Variants in VAV3 observed in about 807,000 individuals in gnomAD.
VAV3 encodes the protein guanine nucleotide exchange factor VAV3.
A neutral mutation model predicts 131.2 loss-of-function variants in VAV3; 94 were observed. The ratio of observed to expected loss-of-function variants is 0.72; its 90% CI spans 0.61 to 0.85. VAV3 has a LOEUF of 0.85. VAV3 is among the 40% of genes least tolerant of loss of function. VAV3 has a pLI of 0.00. For missense variants in VAV3, 939 were observed against 1,002.7 expected (o/e 0.94, Z 0.86); for synonymous variants, 349 against 342.0 (o/e 1.02, Z -0.22).
At chr1:107,905,240 T>A (rs1672048347) in intron 1 of VAV3, among the ~76,000 whole-genome samples, 1 of 152,214 alleles carries the variant, frequency 6.6e-6, no homozygotes, top group African/African-American at 2.4e-5. Context: ...CATACTTGCC[T>A]TAGGTTGCCC....
chr1:107,765,936 C>A (rs1407020491), intron 8 of VAV3, among the ~76,000 whole-genome samples: 1 of 152,140 alleles, frequency 6.6e-6, no homozygotes, highest in Non-Finnish European at 1.5e-5. Context: ...AGCAAAATTT[C>A]TTGATACTCC....
chr1:107,778,827 T>C (rs1665521901), intron 3 of VAV3, among the ~76,000 whole-genome samples: 1 of 152,194 alleles, frequency 6.6e-6, no homozygotes, highest in Non-Finnish European at 1.5e-5. Context: ...CTGACTGATC[T>C]AACTTAAGTA....
Position 107,757,187 on chromosome 1 carries a change from G to GTGTGTGTGTGTGTA in VAV3, c.1086+73_1086+74insTACACACACACACA, listed in dbSNP as rs869175769. The GTGTGTGTGTGTGTA allele has an allele frequency of 1.2e-5, 10 of 814,526 alleles. No individual in the cohort carries two copies. In the African/African-American group the frequency reaches 1.7e-4, roughly 14 times the overall value. 50.5% of individuals were successfully genotyped at this position (814,526 alleles called of 1,614,324 possible). On this transcript the variant is annotated intron_variant, in intron 11 of 26. Transcript: ENST00000370056. ...TGTGTGTGTGTGTGTGTGTGTGTGT[G>GTGTGTGTGTGTGTA]TATGCAATTTGAATTCCATTGTCTT...
chr1:107,619,993 T>C (rs1049592004), intron 20 of VAV3, among the ~76,000 whole-genome samples: 2 of 152,206 alleles, frequency 1.3e-5, no homozygotes, highest in African/African-American at 2.4e-5. Flanking sequence ...AGATCCCAGA[T>C]TGAATCCCAT....
intron 15 of VAV3, among the ~76,000 whole-genome samples, chr1:107,745,411 T>G (rs544126661): frequency 1.3e-5 from 2 of 152,210 alleles, no homozygotes; most frequent in South Asian, 4.1e-4. Flanking sequence ...GGAATCCTCC[T>G]GCCGTATCCA....
intron 3 of VAV3, among the ~76,000 whole-genome samples, chr1:107,778,177 A>C: frequency 6.6e-6 from 1 of 152,226 alleles, no homozygotes; most frequent in South Asian, 2.1e-4. Context: ...TTAAAAGCAG[A>C]GTTTCACATT....
intron 2 of VAV3, among the ~76,000 whole-genome samples, chr1:107,825,683 T>C (rs889680301): frequency 1.1e-4 from 17 of 152,300 alleles, no homozygotes; most frequent in African/African-American, 3.8e-4. Context: ...AATCCTCTGC[T>C]TTCCATCAAA....
Position 107,783,773 on chromosome 1 carries a change from G to T in VAV3, c.322-4281C>A, listed in dbSNP as rs572918666. On this transcript the variant is annotated intron_variant, in intron 2 of 26. Coordinates refer to ENST00000370056, the MANE Select transcript of VAV3 (RefSeq NM_006113.5). ...GGCTTTTAAAAATATTTCAGGCCAGGCCTGGTGGCTCACGCCTGTAATCCC... is the reference window on the plus strand; with the variant it reads ...GGCTTTTAAAAATATTTCAGGCCAGTCCTGGTGGCTCACGCCTGTAATCCC... Among the ~76,000 whole-genome samples the T allele has an allele frequency of 5.3e-5, 8 of 152,078 alleles. No individual in the cohort carries two copies. In the South Asian group the frequency reaches 1.7e-3, roughly 32 times the overall value.
chr1:107,680,877 G>A (rs1024975170), intron 19 of VAV3, among the ~76,000 whole-genome samples: 2 of 152,098 alleles, frequency 1.3e-5, no homozygotes, highest in African/African-American at 4.8e-5. Context: ...AGGCAACATG[G>A]CTCAGAGCCA....
intron 2 of VAV3, among the ~76,000 whole-genome samples, chr1:107,783,892 CAAAAA>C (rs55821232): frequency 9.3e-6 from 1 of 107,960 alleles, no homozygotes; most frequent in Admixed American, 9.7e-5. Context: ...ACTAAAAATA[CAAAAA>C]AAAAAAAAAA....
At chr1:107,711,795 C>A (rs1286226039) in intron 15 of VAV3, among the ~76,000 whole-genome samples, 1 of 152,018 alleles carries the variant, frequency 6.6e-6, no homozygotes, top group East Asian at 1.9e-4. Context: ...TCGAGCGATT[C>A]TCATGCCTCA....
At chr1:107,941,958 G>A (rs1357468012) in intron 1 of VAV3, among the ~76,000 whole-genome samples, 1 of 152,016 alleles carries the variant, frequency 6.6e-6, no homozygotes, top group African/African-American at 2.4e-5. Flanking sequence ...ACTCTCATCA[G>A]GCCACATCCA....
chr1:107,774,366 T>C (rs1054427858), intron 4 of VAV3, among the ~76,000 whole-genome samples: 1 of 152,194 alleles, frequency 6.6e-6, no homozygotes, highest in Non-Finnish European at 1.5e-5. Flanking sequence ...CGCGCCTGGC[T>C]GACTTTTCTC....
chr1:107,875,121 G>A, intron 1 of VAV3, 104 bp from the exon 2 acceptor site: 1 of 1,022,346 alleles, frequency 9.8e-7, no homozygotes, highest in South Asian at 1.4e-5. Context: ...AAAGCATCAA[G>A]CAGCCTTTGA....
intron 15 of VAV3, among the ~76,000 whole-genome samples, chr1:107,720,581 G>A (rs745915712): frequency 6.6e-6 from 1 of 152,104 alleles, no homozygotes; most frequent in African/African-American, 2.4e-5. Flanking sequence ...GAGAGGCTGA[G>A]GTAGGAAAAT....
At chr1:107,585,467 G>C (rs1375604699) in intron 25 of VAV3, among the ~76,000 whole-genome samples, 1 of 152,026 alleles carries the variant, frequency 6.6e-6, no homozygotes, top group Admixed American at 6.6e-5. Flanking sequence ...GTTTCTTCAA[G>C]GGTAAAAGCT....
chr1:107,651,542 AAGGG>A (rs71098642), intron 19 of VAV3, among the ~76,000 whole-genome samples: 39 of 132,762 alleles, frequency 2.9e-4, no homozygotes, highest in South Asian at 8.4e-4. Context: ...CAAAGTAAGG[AAGGG>A]AGGGAGGGAG....
intron 15 of VAV3, among the ~76,000 whole-genome samples, chr1:107,728,871 C>T (rs766680002): frequency 1.3e-5 from 2 of 152,146 alleles, no homozygotes; most frequent in East Asian, 1.9e-4. Context: ...TGATACTCTC[C>T]TGTCTTGAAG....
At chr1:107,945,676 G>A (rs1205216310) in intron 1 of VAV3, among the ~76,000 whole-genome samples, 1 of 151,950 alleles carries the variant, frequency 6.6e-6, no homozygotes, top group Non-Finnish European at 1.5e-5. Context: ...ACAAAAATTG[G>A]CCAGGCGTGG....
Sources: allele counts gnomAD v4.1 joint callset (sites outside exome capture counted in the v4.1 genomes callset), GRCh38; gene constraint gnomAD v4.1.1; transcripts MANE v1.5; gene names NCBI Gene and HGNC (gene_info 2026-07-23, HGNC 2026-07-21).